Variants in ROBO1 observed in about 807,000 individuals in gnomAD.
ROBO1 encodes roundabout homolog 1.
Under a neutral mutation model 195.9 loss-of-function variants are expected in ROBO1, and 149 were observed. The ratio of observed to expected loss-of-function variants is 0.76; its 90% confidence interval spans 0.67 to 0.87. ROBO1 has a LOEUF of 0.87. ROBO1 is among the 40% of genes least tolerant of loss of function. The probability of loss-of-function intolerance (pLI) is 0.00; values close to 1 mark genes in which losing one functional copy is unlikely to be tolerated. For missense variants in ROBO1, 1,933 were observed against 2,068.3 expected (o/e 0.93, Z 1.27); for synonymous variants, 816 against 733.2 (o/e 1.11, Z -1.82).
At chr3:78,815,338 A>G (rs1431063881) in intron 4 of ROBO1, among the ~76,000 whole-genome samples, 2 of 152,176 alleles carry the variant, frequency 1.3e-5, no homozygotes, top group Non-Finnish European at 2.9e-5. Context: ...GTGAATACAA[A>G]GGAAAAGTAC....
At chr3:79,537,744 G>C (rs1271721609) in intron 2 of ROBO1, among the ~76,000 whole-genome samples, 1 of 152,008 alleles carries the variant, frequency 6.6e-6, no homozygotes, top group Non-Finnish European at 1.5e-5. Flanking sequence ...GGGGGAGTGG[G>C]GAGAGGGGAG....
At chr3:78,608,520 G>A (rs1452333055) in intron 28 of ROBO1, among the ~76,000 whole-genome samples, 2 of 152,114 alleles carry the variant, frequency 1.3e-5, no homozygotes, top group Non-Finnish European at 1.5e-5. Flanking sequence ...TTCCTCCGGG[G>A]AGAAAGGAAA....
At chr3:79,136,507 A>C (rs199511904) in intron 2 of ROBO1, among the ~76,000 whole-genome samples, 91 of 152,154 alleles carry the variant, frequency 6.0e-4, no homozygotes, top group African/African-American at 2.1e-3. Context: ...TCAATATGAG[A>C]ATTGTGTTCT....
chr3:79,183,887 T>A (rs900729856), intron 2 of ROBO1, among the ~76,000 whole-genome samples: 3 of 152,248 alleles, frequency 2.0e-5, no homozygotes, highest in Non-Finnish European at 4.4e-5. Flanking sequence ...TAACCATGAA[T>A]GTAATGACTT....
intron 5 of ROBO1, among the ~76,000 whole-genome samples, chr3:78,740,324 ATTG>A (rs2082495218): frequency 1.3e-5 from 2 of 152,140 alleles, no homozygotes; most frequent in South Asian, 4.1e-4. Flanking sequence ...TGCAATAGCT[ATTG>A]TTATTATTCT....
intron 3 of ROBO1, among the ~76,000 whole-genome samples, chr3:79,099,202 A>G (rs1363517496): frequency 6.6e-6 from 1 of 151,772 alleles, no homozygotes; most frequent in African/African-American, 2.4e-5. Flanking sequence ...TTGCTTTTTC[A>G]AAACACACTT....
At chr3:79,031,342 A>G (rs567186661) in intron 3 of ROBO1, among the ~76,000 whole-genome samples, 47 of 152,330 alleles carry the variant, frequency 3.1e-4, no homozygotes, top group African/African-American at 1.1e-3. Flanking sequence ...CTCCAGGAAA[A>G]AAACCACATG....
At chr3:79,706,531 C>A (rs1043988273) in intron 1 of ROBO1, among the ~76,000 whole-genome samples, 1 of 152,038 alleles carries the variant, frequency 6.6e-6, no homozygotes, top group African/African-American at 2.4e-5. Flanking sequence ...TGTGTCCACA[C>A]CCAAATCTCA....
At chr3:79,608,256 G>A (rs1944551280) in intron 1 of ROBO1, among the ~76,000 whole-genome samples, 1 of 151,926 alleles carries the variant, frequency 6.6e-6, no homozygotes, top group Non-Finnish European at 1.5e-5. Context: ...ATAATTATCA[G>A]CTCTTCAGCC....
intron 2 of ROBO1, among the ~76,000 whole-genome samples, chr3:79,167,602 C>A (rs2081092119): frequency 6.6e-6 from 1 of 152,174 alleles, no homozygotes; most frequent in Admixed American, 6.5e-5. Flanking sequence ...CTTCACACCA[C>A]TGCTTTATCA....
intron 2 of ROBO1, among the ~76,000 whole-genome samples, chr3:79,385,501 T>A (rs1033018570): frequency 2.0e-5 from 3 of 152,130 alleles, no homozygotes; most frequent in African/African-American, 7.2e-5. Context: ...AATATCTTCA[T>A]GCCTTTATGT....
chr3:79,295,844 A>G (rs896977454), intron 2 of ROBO1, among the ~76,000 whole-genome samples: 1 of 152,170 alleles, frequency 6.6e-6, no homozygotes, highest in African/African-American at 2.4e-5. Flanking sequence ...AATCATTTCT[A>G]TACCACTCTC....
chr3:79,243,610 C>T (rs1156333850), intron 2 of ROBO1, among the ~76,000 whole-genome samples: 12 of 151,690 alleles, frequency 7.9e-5, no homozygotes, highest in Non-Finnish European at 1.6e-4. Context: ...TTTCATGTGT[C>T]TTTTGGCTGC....
intron 2 of ROBO1, among the ~76,000 whole-genome samples, chr3:79,387,719 T>C (rs952915550): frequency 1.6e-4 from 25 of 152,104 alleles, no homozygotes; most frequent in African/African-American, 5.8e-4. Flanking sequence ...TAATGAAAGG[T>C]AGTAAAAATA....
rs1244475753 is a variant in ROBO1 at position 78,633,952 on chromosome 3, C to T, written c.3464G>A (p.Arg1155Gln). The T allele has an allele frequency of 1.2e-5, 20 of 1,609,242 alleles. No homozygotes were observed. Among genetic ancestry groups the T allele is most frequent in the Middle Eastern group, 1.7e-4 (1 of 6,042 alleles). Residue 1155 changes from arginine to glutamine, a missense_variant, in exon 24 of 31, where the codon CGG becomes CAG. Transcript: ENST00000464233. ...NTGGSYNSSD[R>Q]GSSTSGSQGH... is the part of the protein sequence containing the mutation. Reference sequence around the variant, plus strand: ...TTACTTACCAGATGTACTACTGCCCCGGTCTGAGCTGTTGTAGGATCCTCC... The same window carrying T: ...TTACTTACCAGATGTACTACTGCCCTGGTCTGAGCTGTTGTAGGATCCTCC...
At position 79,034,294 on chromosome 3, in the gene ROBO1, T is replaced by C. The variant is rs1213779125; in HGVS notation, c.172+91162A>G. On this transcript the variant is annotated intron_variant, in intron 3 of 30. Transcript: ENST00000464233. ...CTCAGAATTTTTTACAGTTTGTATCTTAAGACTCAGGAACATAGAAAAATG... is the reference window on the plus strand; with the variant it reads ...CTCAGAATTTTTTACAGTTTGTATCCTAAGACTCAGGAACATAGAAAAATG... 2.0e-5 allele frequency among the ~76,000 whole-genome samples: 3 copies of C among 152,170 alleles called. No homozygotes were observed. The East Asian group carries it at 5.8e-4, about 29-fold the overall frequency.
chr3:78,776,770 T>C (rs529328853), intron 4 of ROBO1, among the ~76,000 whole-genome samples: 20 of 152,362 alleles, frequency 1.3e-4, no homozygotes, highest in African/African-American at 4.3e-4. Context: ...AACTTAGCTC[T>C]GTCATTTACT....
intron 2 of ROBO1, among the ~76,000 whole-genome samples, chr3:79,518,486 G>T (rs1268695689): frequency 2.0e-5 from 3 of 151,970 alleles, no homozygotes; most frequent in Non-Finnish European, 4.4e-5. Context: ...TTCCTAAAAG[G>T]TCTAGTTTCT....
chr3:79,327,780 A>G (rs1020968344), intron 2 of ROBO1, among the ~76,000 whole-genome samples: 1 of 152,150 alleles, frequency 6.6e-6, no homozygotes, highest in African/African-American at 2.4e-5. Context: ...CTAAGGGCTT[A>G]TTCTTTGGGA....
Sources: allele counts gnomAD v4.1 joint callset (sites outside exome capture counted in the v4.1 genomes callset), GRCh38; gene constraint gnomAD v4.1.1; transcripts MANE v1.5; gene names NCBI Gene and HGNC (gene_info 2026-07-23, HGNC 2026-07-21).